Variants in DLGAP1 observed in about 807,000 individuals in gnomAD.
DLGAP1 encodes disks large-associated protein 1.
A neutral mutation model predicts 90.8 loss-of-function variants in DLGAP1; 11 were observed. The ratio of observed to expected loss-of-function variants is 0.12; its 90% confidence interval spans 0.08 to 0.20. DLGAP1 has a LOEUF of 0.20. DLGAP1 is among the 10% of genes least tolerant of loss of function. The pLI is 1.00. For synonymous variants in DLGAP1, 558 were observed against 540.7 expected (o/e 1.03, Z -0.44); for missense variants, 1,050 against 1,333.8 (o/e 0.79, Z 3.31).
Position 4,149,093 on chromosome 18 carries a change from A to G in DLGAP1, c.-159+2087T>C, listed in dbSNP as rs1318412947. 3.9e-5 allele frequency among the ~76,000 whole-genome samples: 6 copies of G among 152,374 alleles called. No homozygotes were observed. In the East Asian group the frequency reaches 9.7e-4, roughly 25 times the overall value. ...ACAAAAATTAAATTTTTGTGTATAC[A>G]CGGACACCTTCTTGTAAATGAAACA... is the stretch of plus-strand genomic sequence containing the variant. On this transcript the variant is annotated intron_variant, in intron 2 of 12. Transcript: ENST00000315677.
chr18:3,557,435 T>A (rs1482063613), intron 9 of DLGAP1, among the ~76,000 whole-genome samples: 1 of 152,084 alleles, frequency 6.6e-6, no homozygotes, highest in East Asian at 1.9e-4. Flanking sequence ...GGCAGGAGAA[T>A]CGCTTGAACT....
At chr18:3,796,206 A>T (rs1015821832) in intron 5 of DLGAP1, among the ~76,000 whole-genome samples, 3 of 152,186 alleles carry the variant, frequency 2.0e-5, no homozygotes, top group African/African-American at 7.2e-5. Context: ...AAGCACTCAG[A>T]ACTGTAGACT....
intron 1 of DLGAP1, among the ~76,000 whole-genome samples, chr18:4,162,602 G>C (rs755551157): frequency 1.3e-5 from 2 of 152,006 alleles, no homozygotes; most frequent in Non-Finnish European, 2.9e-5. Flanking sequence ...TCTTTGAAAA[G>C]GTTCTATACC....
chr18:3,910,186 C>A (rs1452761201), intron 3 of DLGAP1, among the ~76,000 whole-genome samples: 1 of 151,230 alleles, frequency 6.6e-6, no homozygotes, highest in Non-Finnish European at 1.5e-5. Context: ...TTCCAATGAG[C>A]ATGTGGATTA....
At chr18:4,240,061 T>G (rs992986146) in intron 1 of DLGAP1, among the ~76,000 whole-genome samples, 1 of 152,220 alleles carries the variant, frequency 6.6e-6, no homozygotes, top group African/African-American at 2.4e-5. Context: ...TGTAATTTAC[T>G]TGTTGTGTTA....
At chr18:4,362,344 G>A (rs150773871) in intron 1 of DLGAP1, among the ~76,000 whole-genome samples, 13 of 152,266 alleles carry the variant, frequency 8.5e-5, no homozygotes, top group African/African-American at 2.2e-4. Context: ...AGTGTCCATC[G>A]ATGGAGGAAT....
rs184899343 is a variant in DLGAP1 at position 4,075,755 on chromosome 18, G to C, written c.-158-70554C>G. Among the ~76,000 whole-genome samples, 231 of 152,258 alleles carry C rather than the reference G, an allele frequency of 1.5e-3. 4 individuals are homozygous for C. Among genetic ancestry groups the C allele is most frequent in the Non-Finnish European group, 2.6e-4 (18 of 68,016 alleles). On this transcript the variant is annotated intron_variant, in intron 2 of 12. Coordinates refer to ENST00000315677, the MANE Select transcript of DLGAP1 (RefSeq NM_004746.4). ...GTGAGACAACAATACATTCAACTTT[G>C]GTATTTCTTTCCAACAAGGCAAGCA...
chr18:4,217,311 T>G (rs1229580910), intron 1 of DLGAP1, among the ~76,000 whole-genome samples: 2 of 152,152 alleles, frequency 1.3e-5, no homozygotes, highest in Admixed American at 1.3e-4. Flanking sequence ...TTCTAAGGTT[T>G]GACAAATATG....
intron 7 of DLGAP1, among the ~76,000 whole-genome samples, chr18:3,619,580 C>T (rs1272129314): frequency 3.3e-5 from 5 of 152,114 alleles, no homozygotes. Context: ...TTCTAGCCGC[C>T]CTAGTCCTTC....
chr18:3,709,627 A>G (rs535711555), intron 7 of DLGAP1, among the ~76,000 whole-genome samples: 2 of 152,354 alleles, frequency 1.3e-5, no homozygotes, highest in East Asian at 3.9e-4. Context: ...GTAAAGCAGC[A>G]GTGCAGAAAT....
chr18:4,307,895 T>C (rs2080302283), intron 1 of DLGAP1, among the ~76,000 whole-genome samples: 1 of 152,048 alleles, frequency 6.6e-6, no homozygotes, highest in Admixed American at 6.5e-5. Flanking sequence ...TTTGTATTTT[T>C]AGTAGAGATG....
chr18:3,676,452 G>A (rs7235489), intron 7 of DLGAP1, among the ~76,000 whole-genome samples: 20,198 of 151,852 alleles, frequency 0.13, 2,853 homozygotes, highest in African/African-American at 0.36. Flanking sequence ...TTAAACTTCC[G>A]CTCCTAAACT....
chr18:3,988,209 G>A (rs1034689295), intron 3 of DLGAP1, among the ~76,000 whole-genome samples: 3 of 151,720 alleles, frequency 2.0e-5, no homozygotes, highest in Non-Finnish European at 4.4e-5. Context: ...AGGATATTCC[G>A]CCTTGACTTT....
At chr18:3,939,918 C>G (rs1039911367) in intron 3 of DLGAP1, among the ~76,000 whole-genome samples, 2 of 152,118 alleles carry the variant, frequency 1.3e-5, no homozygotes, top group Non-Finnish European at 2.9e-5. Context: ...TGTGTGGTCC[C>G]TAGCTTCCTA....
At chr18:3,806,066 G>A (rs1024434986) in intron 5 of DLGAP1, among the ~76,000 whole-genome samples, 3 of 152,156 alleles carry the variant, frequency 2.0e-5, no homozygotes, top group South Asian at 4.1e-4. Flanking sequence ...CTCCTAATAT[G>A]TCCACCTAGG....
At chr18:3,747,905 A>C (rs1367970596) in intron 5 of DLGAP1, among the ~76,000 whole-genome samples, 1 of 152,236 alleles carries the variant, frequency 6.6e-6, no homozygotes, top group Non-Finnish European at 1.5e-5. Flanking sequence ...AAAGGTTACT[A>C]TATGCCCATG....
Position 4,419,764 on chromosome 18 carries a change from A to C in DLGAP1, c.-267+35242T>G, listed in dbSNP as rs73943526. ...CAAATCACAGAGCAAACACTAAAAA[A>C]ATTAACAAAATTGAGTAAATAATAT... On this transcript the variant is annotated intron_variant, in intron 1 of 12. Coordinates refer to ENST00000315677, the MANE Select transcript of DLGAP1 (RefSeq NM_004746.4). Among the ~76,000 whole-genome samples, 715 of 152,260 alleles carry C rather than the reference A, an allele frequency of 4.7e-3. 8 individuals are homozygous for C. The highest frequency in any genetic ancestry group is 0.017 in the African/African-American group (688 of 41,562).
intron 1 of DLGAP1, among the ~76,000 whole-genome samples, chr18:4,314,045 T>A (rs968164740): frequency 3.3e-5 from 5 of 151,612 alleles, no homozygotes; most frequent in Non-Finnish European, 7.4e-5. Flanking sequence ...CCCACAAGAG[T>A]GGAGAGAGGA....
At chr18:3,557,244 G>C (rs111721821) in intron 9 of DLGAP1, among the ~76,000 whole-genome samples, 2 of 152,124 alleles carry the variant, frequency 1.3e-5, no homozygotes, top group South Asian at 4.1e-4. Flanking sequence ...TATTTCTGCC[G>C]GGTGCGGTGG....
Sources: allele counts gnomAD v4.1 joint callset (sites outside exome capture counted in the v4.1 genomes callset), GRCh38; gene constraint gnomAD v4.1.1; transcripts MANE v1.5; gene names NCBI Gene and HGNC (gene_info 2026-07-23, HGNC 2026-07-21).